Variants in TTC7B observed in about 807,000 individuals in gnomAD.
The protein encoded by TTC7B is tetratricopeptide repeat protein 7B.
Under a neutral mutation model 106.8 loss-of-function variants are expected in TTC7B, and 28 were observed. The ratio of observed to expected loss-of-function variants is 0.26; its 90% CI spans 0.19 to 0.36. The LOEUF is 0.36. Among genes scored for constraint, TTC7B ranks in the 10% least tolerant of loss-of-function variants. The pLI, the probability that TTC7B is intolerant of heterozygous loss-of-function variation, is 1.00. For missense variants in TTC7B, 862 were observed against 1,076.4 expected, an observed-to-expected ratio of 0.80 and a Z score of 2.79; for synonymous variants, 405 against 430.6, an observed-to-expected ratio of 0.94 and a Z score of 0.74.
Position 90,541,564 on chromosome 14 carries a change from C to A in TTC7B, c.2336G>T (p.Arg779Leu), listed in dbSNP as rs768132743. The change falls in exon 20 of 20, where the codon CGC becomes CTC. Residue 779 changes from arginine (R) to leucine (L), a missense_variant. Physicochemically the swap from Arg to Leu is moderately radical, Grantham distance 102 (BLOSUM62 -2). Transcript: ENST00000328459. ...GAGGATCTTCTCCGCCAGACTGTAG[C>A]GGCCTAGCTGGTGAAGGATCAGGGC... is the stretch of plus-strand genomic sequence containing the variant. ...RLALILHQLG[R>L]YSLAEKILRD... is the part of the protein sequence containing the mutation. 1.4e-5 allele frequency: 23 copies of A among 1,602,094 alleles called. No individual in the cohort carries two copies. The highest frequency in any genetic ancestry group is 1.7e-5 in the Non-Finnish European group (20 of 1,171,374).
chr14:90,571,368 C>A (rs189936988), intron 19 of TTC7B, among the ~76,000 whole-genome samples: 1 of 152,098 alleles, frequency 6.6e-6, no homozygotes, highest in Non-Finnish European at 1.5e-5. Context: ...ACTTTGTCCT[C>A]GGCACTGTGA....
chr14:90,721,751 G>A (rs948387797), intron 5 of TTC7B, among the ~76,000 whole-genome samples: 2 of 152,050 alleles, frequency 1.3e-5, no homozygotes, highest in Non-Finnish European at 2.9e-5. Context: ...TGACCCTGAA[G>A]AAAATCATAT....
At position 90,526,234 on chromosome 14, in the gene TTC7B, G is replaced by A. The variant is rs1427172367; in HGVS notation, c.*15134C>T. 6.6e-6 allele frequency: 1 copy of A among 152,136 alleles called. No homozygotes were observed. Among genetic ancestry groups the A allele is most frequent in the Non-Finnish European group, 1.5e-5 (1 of 68,020 alleles). 9.4% of individuals were successfully genotyped at this position (152,136 alleles called of 1,614,324 possible). On this transcript the variant is annotated 3_prime_UTR_variant, in exon 20 of 20. Transcript: ENST00000328459. ...ATTATAGACATCCTAGTGGGTGTAA[G>A]GTGGTATCTCTTGGAGTTTTGACTT...
chr14:90,668,830 T>C (rs1054293266), intron 9 of TTC7B, among the ~76,000 whole-genome samples: 1 of 74,712 alleles, frequency 1.3e-5, no homozygotes, highest in Non-Finnish European at 3.1e-5. Context: ...ATTTCAACTT[T>C]TTTTTTTTTT....
chr14:90,591,958 T>G (rs990693346), intron 18 of TTC7B, among the ~76,000 whole-genome samples: 2 of 152,228 alleles, frequency 1.3e-5, no homozygotes, highest in East Asian at 3.8e-4. Context: ...GAAGAACAAC[T>G]GTGAATTCAT....
rs1890328809 is a variant in TTC7B at position 90,757,094 on chromosome 14, T to C, written c.446-12172A>G. ...CAAACAGTTAGCAGAAGGCTTAACGTGGTGGATCTCCACCAGGCATGGCCC... is the reference window on the plus strand; with the variant it reads ...CAAACAGTTAGCAGAAGGCTTAACGCGGTGGATCTCCACCAGGCATGGCCC... On this transcript the variant is annotated intron_variant, in intron 3 of 19. Coordinates refer to ENST00000328459, the MANE Select transcript of TTC7B (RefSeq NM_001010854.2). This position sits in a 1 kb window ranked among gnomAD's most constrained non-coding sequence, Gnocchi z 4.1. Among the ~76,000 whole-genome samples, 1 of 152,106 alleles carries C rather than the reference T, an allele frequency of 6.6e-6. No homozygotes were observed. Among genetic ancestry groups the C allele is most frequent in the Admixed American group, 6.5e-5 (1 of 15,272 alleles).
rs755813525 is a variant in TTC7B, at chr14:90,598,369, T to C, written c.1967-4743A>G. 2.6e-5 allele frequency among the ~76,000 whole-genome samples: 4 copies of C among 152,320 alleles called. 1 individual carries two copies. Among genetic ancestry groups the C allele is most frequent in the Middle Eastern group, 6.8e-3 (2 of 294 alleles). On this transcript the variant is annotated intron_variant, in intron 17 of 19. Transcript: ENST00000328459. ...CACCTAGATCCTCAATCGAAAATGT[T>C]ATCTTGGACACCTGATACAGAGGCA... is the stretch of plus-strand genomic sequence containing the variant.
At chr14:90,715,451 C>A (rs1231854500) in intron 5 of TTC7B, among the ~76,000 whole-genome samples, 1 of 152,166 alleles carries the variant, frequency 6.6e-6, no homozygotes, top group Non-Finnish European at 1.5e-5. Context: ...AAACCCTCTA[C>A]TCTGTAGGGT....
chr14:90,730,021 G>A, intron 5 of TTC7B, 54 bp downstream of exon 5: 2 of 1,557,922 alleles, frequency 1.3e-6, no homozygotes, highest in Admixed American at 2.0e-5. Flanking sequence ...GCATTGTAAG[G>A]CTTTCTACTT....
chr14:90,763,994 T>G (rs1031229863), intron 3 of TTC7B, among the ~76,000 whole-genome samples: 3 of 151,996 alleles, frequency 2.0e-5, no homozygotes, highest in African/African-American at 7.2e-5. Context: ...TTATATGAAA[T>G]GTAAGCCAAA....
In TTC7B at chr14:90,541,518, G is replaced by A. The variant is rs376297956; in HGVS notation, c.2382C>T (p.Asn794=). The change falls in exon 20 of 20, where the codon AAC becomes AAT. Residue 794 remains asparagine (N), a synonymous_variant. Coordinates refer to ENST00000328459, the MANE Select transcript of TTC7B (RefSeq NM_001010854.2). Reference sequence around the variant, plus strand: ...CGTTCCAGACCTCGTGGGCTGTCGAGTTCACCTGCACCGCGTCCCGGAGGA... The same window carrying A: ...CGTTCCAGACCTCGTGGGCTGTCGAATTCACCTGCACCGCGTCCCGGAGGA... ...EKILRDAVQV[N]STAHEVWNGL... 1.3e-5 allele frequency: 21 copies of A among 1,613,830 alleles called. No individual in the cohort carries two copies. Among genetic ancestry groups the A allele is most frequent in the Admixed American group, 3.3e-5 (2 of 60,006 alleles).
At chr14:90,784,818 G>A (rs1335984483) in intron 2 of TTC7B, among the ~76,000 whole-genome samples, 4 of 152,120 alleles carry the variant, frequency 2.6e-5, no homozygotes, top group Admixed American at 6.5e-5. Flanking sequence ...TCCCTGTGTT[G>A]AGATGACGCT....
chr14:90,661,593 A>G (rs35314115), intron 9 of TTC7B, among the ~76,000 whole-genome samples: 28,404 of 152,118 alleles, frequency 0.19, 2,826 homozygotes, highest in Middle Eastern at 0.23. Flanking sequence ...TGGCTGAAAT[A>G]AGACACGGGA....
intron 15 of TTC7B, among the ~76,000 whole-genome samples, chr14:90,619,047 G>T (rs1157061990): frequency 6.6e-6 from 1 of 152,170 alleles, no homozygotes; most frequent in Non-Finnish European, 1.5e-5. Context: ...GGGATTACAG[G>T]CATCCGCCAC....
chr14:90,545,238 A>G (rs1174948630), intron 19 of TTC7B, among the ~76,000 whole-genome samples: 1 of 152,078 alleles, frequency 6.6e-6, no homozygotes, highest in Non-Finnish European at 1.5e-5. Context: ...AGCAGAGGAG[A>G]GCTCAGTGGA....
At chr14:90,798,262 A>G (rs1445705144) in intron 1 of TTC7B, among the ~76,000 whole-genome samples, 2 of 152,184 alleles carry the variant, frequency 1.3e-5, no homozygotes, top group Non-Finnish European at 2.9e-5. Context: ...GCTGACCCAT[A>G]GCAGGCCACT....
intron 6 of TTC7B, among the ~76,000 whole-genome samples, chr14:90,694,491 A>T (rs1425151545): frequency 6.6e-6 from 1 of 151,076 alleles, no homozygotes; most frequent in Non-Finnish European, 1.5e-5. Context: ...CTATTTATAT[A>T]TTATAAATAT....
At chr14:90,587,238 G>A (rs1287679489) in intron 18 of TTC7B, among the ~76,000 whole-genome samples, 4 of 152,156 alleles carry the variant, frequency 2.6e-5, no homozygotes, top group African/African-American at 9.7e-5. Flanking sequence ...GCCCAGCTTG[G>A]AGTGATCTTT....
chr14:90,719,794 C>G (rs1011014981), intron 5 of TTC7B, among the ~76,000 whole-genome samples: 8 of 152,174 alleles, frequency 5.3e-5, no homozygotes, highest in Admixed American at 1.3e-4. Flanking sequence ...TTCACTAAAC[C>G]TAACAAATTC....
Sources: gnomAD v4.1 joint callset for allele counts (sites outside exome capture counted in the v4.1 genomes callset) on GRCh38, gnomAD v4.1.1 for gene constraint, Gnocchi (gnomAD v3.1) non-coding constraint, MANE v1.5 for transcripts, NCBI Gene and HGNC (gene_info 2026-07-23, HGNC 2026-07-21) for gene names.